ACSF2: variants seen among roughly 807,000 people sequenced by gnomAD.
The protein encoded by ACSF2 is acyl-CoA synthetase family member 2, also known as medium-chain acyl-CoA ligase ACSF2, mitochondrial.
In ACSF2, 52 loss-of-function variants were observed where a neutral mutation model predicts 79.3. That is an observed-to-expected ratio of 0.66 (90% CI 0.53 to 0.83). The LOEUF is 0.83. Among genes scored for constraint, ACSF2 ranks in the 40% least tolerant of loss-of-function variants. The pLI is 0.00. For missense variants in ACSF2, 661 were observed against 803.3 expected (o/e 0.82, Z 2.14); for synonymous variants, 283 against 312.6 (o/e 0.91, Z 1.00).
chr17:50,441,479 G>A (rs1251190888), intron 1 of ACSF2, among the ~76,000 whole-genome samples: 1 of 152,118 alleles, frequency 6.6e-6, no homozygotes, highest in African/African-American at 2.4e-5. Flanking sequence ...CTGGCCTGGC[G>A]GTCCTTTTTA....
intron 1 of ACSF2, among the ~76,000 whole-genome samples, chr17:50,428,287 T>G (rs1160515016): frequency 1.3e-5 from 2 of 151,056 alleles, no homozygotes; most frequent in African/African-American, 4.9e-5. Context: ...GGAGACCGGT[T>G]TGGCCAACAT....
At position 50,474,029 on chromosome 17, in the gene ACSF2, T is replaced by C; in HGVS notation, c.1728+25T>C. On this transcript the variant is annotated intron_variant, in intron 14 of 15. Coordinates refer to ENST00000300441, the MANE Select transcript of ACSF2 (RefSeq NM_025149.6). The surrounding 1 kb of genome is among the most constrained non-coding windows in gnomAD (Gnocchi z 4.2). ...GGTGGGAGCCTCCGCTCAACCTAGC[T>C]GATGCTGCTCTGTTCTTTGCTCACC... 1 of 1,535,270 alleles carries C rather than the reference T, an allele frequency of 6.5e-7. No homozygotes were observed. Among genetic ancestry groups the C allele is most frequent in the Non-Finnish European group, 8.8e-7 (1 of 1,139,610 alleles).
At chr17:50,435,966 CT>C (rs1181396969) in intron 1 of ACSF2, among the ~76,000 whole-genome samples, 1 of 151,674 alleles carries the variant, frequency 6.6e-6, no homozygotes, top group East Asian at 1.9e-4. Context: ...ATGGATCTTG[CT>C]TTTGGTGTCA....
At chr17:50,460,408 T>A in intron 1 of ACSF2, 1 of 506,532 alleles carries the variant, frequency 2.0e-6, no homozygotes, top group Non-Finnish European at 3.6e-6. Flanking sequence ...CAGGCTTCAC[T>A]ATGGCATCTC....
chr17:50,437,107 G>A (rs1484957434), intron 1 of ACSF2, among the ~76,000 whole-genome samples: 1 of 152,202 alleles, frequency 6.6e-6, no homozygotes, highest in Non-Finnish European at 1.5e-5. Flanking sequence ...CCCCCCAAGA[G>A]GATGCAGCCC....
At chr17:50,427,417 A>G (rs1915094263) in intron 1 of ACSF2, among the ~76,000 whole-genome samples, 1 of 152,106 alleles carries the variant, frequency 6.6e-6, no homozygotes, top group South Asian at 2.1e-4. Flanking sequence ...CACTCTGCCT[A>G]ATTTGCTGAG....
At chr17:50,472,212 CTCT>C (rs2033154178) in intron 11 of ACSF2, 1 of 537,058 alleles carries the variant, frequency 1.9e-6, no homozygotes, top group Non-Finnish European at 3.2e-6. Flanking sequence ...TGGGACTCAG[CTCT>C]TCTTTCATGC....
At chr17:50,456,166 GCCCCAA>G (rs974414540) in intron 1 of ACSF2, among the ~76,000 whole-genome samples, 2 of 152,060 alleles carry the variant, frequency 1.3e-5, no homozygotes, top group African/African-American at 4.8e-5. Context: ...TGCCTGACAC[GCCCCAA>G]CCCCAGTAAT....
chr17:50,457,356 A>G lies in ACSF2; in HGVS notation c.129-3321A>G, dbSNP rs995287351. On this transcript the variant is annotated intron_variant, in intron 1 of 15. Transcript: ENST00000300441. ...GGCCCCCTAGGCTGAGGACCACACC[A>G]TTGGTGGCCATCTCTGGCCAGGAGG... 1.4e-4 allele frequency among the ~76,000 whole-genome samples: 22 copies of G among 152,318 alleles called. 1 individual carries two copies. Among genetic ancestry groups the G allele is most frequent in the South Asian group, 1.2e-3 (6 of 4,832 alleles).
At chr17:50,473,459 G>A (rs937413528) in intron 12 of ACSF2, 5 of 614,054 alleles carry the variant, frequency 8.1e-6, no homozygotes, top group African/African-American at 3.7e-5. Context: ...GACAGAATAT[G>A]TTATAGGTAT....
At chr17:50,469,649 G>T (rs1378861554) in intron 10 of ACSF2, among the ~76,000 whole-genome samples, 3 of 152,190 alleles carry the variant, frequency 2.0e-5, no homozygotes, top group Non-Finnish European at 4.4e-5. Flanking sequence ...CACAAGCACA[G>T]TCGCACCATC....
chr17:50,435,736 A>T (rs939493871), intron 1 of ACSF2, among the ~76,000 whole-genome samples: 18 of 152,122 alleles, frequency 1.2e-4, no homozygotes, highest in South Asian at 4.1e-4. Flanking sequence ...ATTTAAAAAA[A>T]TTTTTTTATA....
intron 10 of ACSF2, chr17:50,464,684 C>T (rs77557245): frequency 1.6e-4 from 72 of 448,542 alleles, no homozygotes; most frequent in African/African-American, 1.4e-3. Flanking sequence ...ATTGTTTCCA[C>T]GTGGCAGGGA....
intron 1 of ACSF2, among the ~76,000 whole-genome samples, chr17:50,427,427 G>T (rs1915094667): frequency 6.6e-6 from 1 of 152,146 alleles, no homozygotes; most frequent in African/African-American, 2.4e-5. Flanking sequence ...AATTTGCTGA[G>T]AAAACTAAGT....
rs1271745701 is a variant in ACSF2 at position 50,431,601 on chromosome 17, C to T, written c.128+5212C>T. ...TCTCAAACTTCTGGGCTCAAGCATT[C>T]CTCCCATCTCAGCCTCCCAAGTAGC... is the stretch of plus-strand genomic sequence containing the variant. On this transcript the variant is annotated intron_variant, in intron 1 of 15. Transcript: ENST00000300441. Among the ~76,000 whole-genome samples, 4 of 152,190 alleles carry T rather than the reference C, an allele frequency of 2.6e-5. No homozygotes were observed. The East Asian group carries it at 7.7e-4, about 29-fold the overall frequency.
In ACSF2 at chr17:50,471,271, G is replaced by A; in HGVS notation, c.1323+136G>A. The A allele has an allele frequency of 1.4e-6, 1 of 702,632 alleles. No individual in the cohort carries two copies. Among genetic ancestry groups the A allele is most frequent in the Admixed American group, 2.3e-5 (1 of 44,382 alleles). 43.5% of individuals were successfully genotyped at this position (702,632 alleles called of 1,614,324 possible). On this transcript the variant is annotated intron_variant, in intron 11 of 15. Coordinates refer to ENST00000300441, the MANE Select transcript of ACSF2 (RefSeq NM_025149.6). This position sits in a 1 kb window ranked among gnomAD's most constrained non-coding sequence, Gnocchi z 4.1. ...TGCCTAGAGCCCCCCAGCAGCAGGG[G>A]TGTGCTAGGCCTGGCCCGGAGTGTT... is the stretch of plus-strand genomic sequence containing the variant.
Position 50,471,276 on chromosome 17 carries a change from C to A in ACSF2, c.1323+141C>A. ...AGAGCCCCCCAGCAGCAGGGGTGTG[C>A]TAGGCCTGGCCCGGAGTGTTCTCTG... On this transcript the variant is annotated intron_variant, in intron 11 of 15. Transcript: ENST00000300441. The surrounding 1 kb of genome is among the most constrained non-coding windows in gnomAD (Gnocchi z 4.1). 1 of 676,100 alleles carries A rather than the reference C, an allele frequency of 1.5e-6. No homozygotes were observed. Among genetic ancestry groups the A allele is most frequent in the Non-Finnish European group, 2.6e-6 (1 of 381,862 alleles). 41.9% of individuals were successfully genotyped at this position (676,100 alleles called of 1,614,324 possible). A position where few individuals can be genotyped will look rare whatever the true frequency, so the allele number is the denominator to read the frequency against.
intron 1 of ACSF2, among the ~76,000 whole-genome samples, chr17:50,428,249 G>A (rs1331147195): frequency 6.6e-6 from 1 of 152,206 alleles, no homozygotes; most frequent in African/African-American, 2.4e-5. Flanking sequence ...ACTTTGGGAA[G>A]CCCAGGCAGG....
At chr17:50,430,708 T>C (rs1598385886) in intron 1 of ACSF2, among the ~76,000 whole-genome samples, 1 of 152,116 alleles carries the variant, frequency 6.6e-6, no homozygotes, top group Admixed American at 6.6e-5. Context: ...TCCTAAGTGA[T>C]TTACCAAGAA....
Sources: allele counts gnomAD v4.1 joint callset (sites outside exome capture counted in the v4.1 genomes callset), GRCh38; gene constraint gnomAD v4.1.1; non-coding constraint Gnocchi (gnomAD v3.1); transcripts MANE v1.5; gene names NCBI Gene and HGNC (gene_info 2026-07-23, HGNC 2026-07-21).